Variants in PCDH15 observed in about 807,000 individuals in gnomAD.
PCDH15 encodes the protein protocadherin related 15, also known as protocadherin-15.
A neutral mutation model predicts 178.5 loss-of-function variants in PCDH15; 129 were observed. The ratio of observed to expected loss-of-function variants is 0.72; its 90% CI spans 0.63 to 0.84. The LOEUF (loss-of-function observed/expected upper bound fraction) is 0.84, where lower values mean the gene tolerates loss of function less well. Ranked by LOEUF, PCDH15 falls within the 40% of genes least tolerant of loss-of-function variation. PCDH15 has a pLI of 0.00. For missense variants in PCDH15, 2,230 were observed against 2,099.9 expected, an observed-to-expected ratio of 1.06 and a Z score of -1.21; for synonymous variants, 800 against 732.0, an observed-to-expected ratio of 1.09 and a Z score of -1.50.
At chr10:54,477,106 G>A (rs1001485771) in intron 3 of PCDH15, among the ~76,000 whole-genome samples, 10 of 152,046 alleles carry the variant, frequency 6.6e-5, no homozygotes, top group Non-Finnish European at 2.9e-5. Context: ...TTCTCATTAA[G>A]CTGACAATAA....
chr10:55,590,147 G>A (rs1373373091), intron 2 of PCDH15, among the ~76,000 whole-genome samples: 2 of 151,778 alleles, frequency 1.3e-5, no homozygotes, highest in African/African-American at 2.4e-5. Flanking sequence ...AAAAGGATGA[G>A]TTCATGTCCT....
intron 18 of PCDH15, among the ~76,000 whole-genome samples, chr10:54,055,595 C>A (rs1419210711): frequency 6.6e-6 from 1 of 152,098 alleles, no homozygotes; most frequent in Non-Finnish European, 1.5e-5. Context: ...TTAGCAGACT[C>A]CTCAATGAGA....
intron 2 of PCDH15, among the ~76,000 whole-genome samples, chr10:55,334,242 A>G (rs7097417): frequency 0.071 from 5,141 of 72,086 alleles, 268 homozygotes; most frequent in Middle Eastern, 0.12. Flanking sequence ...ATATATATAT[A>G]TGTGTGTGTG....
At chr10:54,215,073 T>A (rs183259918) in intron 9 of PCDH15, among the ~76,000 whole-genome samples, 1 of 152,302 alleles carries the variant, frequency 6.6e-6, no homozygotes, top group Admixed American at 6.5e-5. Flanking sequence ...AAAAATAATA[T>A]AGCTTCCTAT....
At chr10:54,119,109 C>A (rs1267282504) in intron 15 of PCDH15, among the ~76,000 whole-genome samples, 2 of 152,030 alleles carry the variant, frequency 1.3e-5, no homozygotes, top group African/African-American at 4.8e-5. Flanking sequence ...GTGATACCAC[C>A]AAAGGATTCC....
chr10:54,670,901 G>C (rs531451962), intron 1 of PCDH15, among the ~76,000 whole-genome samples: 1 of 152,028 alleles, frequency 6.6e-6, no homozygotes, highest in East Asian at 1.9e-4. Context: ...ACATTTCAAG[G>C]TACTTTAGTA....
intron 15 of PCDH15, among the ~76,000 whole-genome samples, chr10:54,107,511 A>G (rs1376179121): frequency 6.6e-6 from 1 of 152,220 alleles, no homozygotes; most frequent in African/African-American, 2.4e-5. Context: ...AGCCTTAGTC[A>G]AATGAGAAAG....
At chr10:55,289,568 A>G (rs895052234) in intron 1 of PCDH15, among the ~76,000 whole-genome samples, 4 of 151,982 alleles carry the variant, frequency 2.6e-5, no homozygotes, top group Non-Finnish European at 5.9e-5. Flanking sequence ...AGAAGAAAAC[A>G]TTACTCTAGA....
At chr10:55,227,797 T>C (rs1015868156) in intron 1 of PCDH15, among the ~76,000 whole-genome samples, 8 of 152,254 alleles carry the variant, frequency 5.3e-5, no homozygotes, top group South Asian at 4.1e-4. Flanking sequence ...TGTATTATTA[T>C]ATTCAGAGGA....
chr10:54,225,088 G>C (rs2053281680), intron 9 of PCDH15, among the ~76,000 whole-genome samples: 1 of 151,858 alleles, frequency 6.6e-6, no homozygotes, highest in Admixed American at 6.6e-5. Flanking sequence ...GATTTTATTG[G>C]GTTGCTTTTC....
At chr10:54,052,885 C>G (rs538405055) in intron 18 of PCDH15, among the ~76,000 whole-genome samples, 7 of 152,130 alleles carry the variant, frequency 4.6e-5, no homozygotes, top group African/African-American at 7.2e-5. Flanking sequence ...TCTCATGATA[C>G]TACGTTTTCA....
intron 1 of PCDH15, among the ~76,000 whole-genome samples, chr10:54,762,946 C>A (rs558713870): frequency 1.3e-5 from 2 of 152,126 alleles, no homozygotes; most frequent in South Asian, 4.1e-4. Flanking sequence ...TCTTTTTATT[C>A]TTTTTCGCTT....
chr10:54,069,436 G>A (rs2094198529), intron 17 of PCDH15, among the ~76,000 whole-genome samples: 1 of 152,052 alleles, frequency 6.6e-6, no homozygotes, highest in African/African-American at 2.4e-5. Flanking sequence ...TGCTAATAGG[G>A]GATGATATTT....
intron 2 of PCDH15, among the ~76,000 whole-genome samples, chr10:55,056,093 T>C (rs1053563510): frequency 2.0e-5 from 3 of 152,146 alleles, no homozygotes; most frequent in Non-Finnish European, 2.9e-5. Flanking sequence ...TTAGTTGGCT[T>C]ACCATCTAAA....
intron 21 of PCDH15, 52 bp from the exon 22 acceptor site, chr10:53,961,944 T>C: frequency 7.2e-7 from 1 of 1,390,018 alleles, no homozygotes; most frequent in Non-Finnish European, 1.0e-6. Context: ...TAAAACACAG[T>C]GCAATGATAA....
chr10:54,335,509 G>A (rs1940895350), intron 6 of PCDH15, among the ~76,000 whole-genome samples: 1 of 152,164 alleles, frequency 6.6e-6, no homozygotes, highest in African/African-American at 2.4e-5. Context: ...GCTGGTGTGA[G>A]ATAATTGAAT....
chr10:54,465,880 T>C (rs2077484340), intron 3 of PCDH15, among the ~76,000 whole-genome samples: 1 of 152,042 alleles, frequency 6.6e-6, no homozygotes, highest in South Asian at 2.1e-4. Flanking sequence ...GAGTTCTTTT[T>C]TCTCCACATC....
chr10:55,423,488 T>C (rs759270581), intron 2 of PCDH15, among the ~76,000 whole-genome samples: 4 of 151,972 alleles, frequency 2.6e-5, no homozygotes, highest in Non-Finnish European at 4.4e-5. Context: ...CAAAAAAACA[T>C]ACATGTGCAC....
intron 2 of PCDH15, among the ~76,000 whole-genome samples, chr10:54,998,272 A>T (rs189598321): frequency 0.01 from 1,587 of 152,016 alleles, 26 homozygotes; most frequent in African/African-American, 0.036. Flanking sequence ...TAAGTCATAA[A>T]TTTTTTTTCC....
Sources: allele counts gnomAD v4.1 joint callset (sites outside exome capture counted in the v4.1 genomes callset), GRCh38; gene constraint gnomAD v4.1.1; transcripts MANE v1.5; gene names NCBI Gene and HGNC (gene_info 2026-07-23, HGNC 2026-07-21).